The following NDUFAF7 variants were observed in gnomAD, a reference collection of about 807,000 sequenced individuals.
NDUFAF7 encodes the protein protein arginine methyltransferase NDUFAF7, mitochondrial.
In NDUFAF7, 48 loss-of-function variants were observed where a neutral mutation model predicts 47.2. That is an observed-to-expected ratio of 1.02 (90% CI 0.81 to 1.29). NDUFAF7 has a LOEUF of 1.29. Ranked by LOEUF, NDUFAF7 falls within the 50% of genes most tolerant of loss-of-function variation. The probability of loss-of-function intolerance (pLI) is 0.00; values close to 1 mark genes in which losing one functional copy is unlikely to be tolerated. For missense variants in NDUFAF7, 635 were observed against 537.6 expected, an observed-to-expected ratio of 1.18 and a Z score of -1.79; for synonymous variants, 217 against 190.0, an observed-to-expected ratio of 1.14 and a Z score of -1.17.
At chr2:37,261,794 C>A in the NDUFAF7 span, among the ~76,000 whole-genome samples, 1 of 139,700 alleles carries the variant, frequency 7.2e-6, no homozygotes, top group Admixed American at 7.0e-5. Context: ...AACAAAAAAA[C>A]CCAGACGGTC....
chr2:37,243,833 ATTTGTT>A, intron 6 of NDUFAF7, 24 bp from the exon 7 acceptor site: 1 of 1,586,284 alleles, frequency 6.3e-7, no homozygotes, highest in Non-Finnish European at 8.6e-7. Flanking sequence ...ACTTGCAAAA[ATTTGTT>A]TTTATGTGTT....
chr2:37,251,308 G>C (rs1028012955), downstream of NDUFAF7: 1 of 152,564 alleles, frequency 6.6e-6, no homozygotes, highest in African/African-American at 2.4e-5. Context: ...AGATAGTACA[G>C]CATAATGGTT....
In NDUFAF7 at chr2:37,246,098, T is replaced by A. The variant is rs754436069; in HGVS notation, c.839T>A (p.Val280Asp). ...DHVEVCPDAG[V>D]IIEELSQRIA... Reference sequence around the variant, plus strand: ...GTTGAAGTGTGTCCTGATGCTGGTGTTATCATCGAGGAACTTTCTCAACGC... The same window carrying A: ...GTTGAAGTGTGTCCTGATGCTGGTGATATCATCGAGGAACTTTCTCAACGC... Residue 280 changes from valine to aspartate, a missense_variant, in exon 8 of 10, where the codon GTT becomes GAT. By Grantham distance (152) the Val-to-Asp change is radical. Coordinates refer to ENST00000002125, the MANE Select transcript of NDUFAF7 (RefSeq NM_144736.5). 1.9e-6 allele frequency: 3 copies of A among 1,613,912 alleles called. No homozygotes were observed. In the Admixed American group the frequency reaches 5.0e-5, roughly 27 times the overall value.
At chr2:37,233,944 C>T in intron 2 of NDUFAF7, among the ~76,000 whole-genome samples, 1 of 152,218 alleles carries the variant, frequency 6.6e-6, no homozygotes, top group East Asian at 1.9e-4. Context: ...GTAGCATCAG[C>T]AATACCTGTG....
At chr2:37,269,172 C>A in the NDUFAF7 span, 1 of 191,882 alleles carries the variant, frequency 5.2e-6, no homozygotes, top group Non-Finnish European at 1.1e-5. Flanking sequence ...ATGACTTCAT[C>A]AATATCCTAA....
At position 37,242,632 on chromosome 2, in the gene NDUFAF7, T is replaced by C; in HGVS notation, c.623-3T>C. 5.1e-6 allele frequency: 8 copies of C among 1,582,504 alleles called. No homozygotes were observed. The highest frequency in any genetic ancestry group is 6.9e-6 in the Non-Finnish European group (8 of 1,151,876). On this transcript the variant is annotated splice_region_variant and splice_polypyrimidine_tract_variant and intron_variant, in intron 5 of 9. Transcript: ENST00000002125. The stretch of plus-strand genomic sequence containing the variant: ...CATTAATTGTTTTCCTCTTTTTAAA[T>C]AGGGTACAGCTTTTATCTTGCACAT...
downstream of NDUFAF7, chr2:37,250,379 G>A (rs1405062126): frequency 6.6e-6 from 1 of 152,128 alleles, no homozygotes; most frequent in African/African-American, 2.4e-5. Context: ...CACCTAGAAA[G>A]TTTGATATTA....
At chr2:37,268,017 A>G in the NDUFAF7 span, 1 of 190,100 alleles carries the variant, frequency 5.3e-6, no homozygotes, top group Non-Finnish European at 1.1e-5. Context: ...TAGATATTAA[A>G]AAAAGGTAGA....
intron 4 of NDUFAF7, 50 bp downstream of exon 4, chr2:37,237,917 C>T (rs745637300): frequency 7.8e-7 from 1 of 1,275,232 alleles, no homozygotes; most frequent in Non-Finnish European, 1.1e-6. Flanking sequence ...AATTTTAGTA[C>T]TTCTGAGTGT....
intron 5 of NDUFAF7, 27 bp from the exon 6 acceptor site, chr2:37,242,608 A>G (rs2148422808): frequency 6.5e-7 from 1 of 1,528,514 alleles, no homozygotes; most frequent in South Asian, 1.1e-5. Flanking sequence ...ATGTGGAAAC[A>G]TTAATTGTTT....
intron 7 of NDUFAF7, among the ~76,000 whole-genome samples, chr2:37,244,703 T>C (rs891205054): frequency 6.6e-6 from 1 of 152,224 alleles, no homozygotes; most frequent in Non-Finnish European, 1.5e-5. Flanking sequence ...TTAGAAATTA[T>C]CAGTTTTAAA....
chr2:37,238,636 T>C (rs1666041197), intron 4 of NDUFAF7, among the ~76,000 whole-genome samples: 1 of 151,950 alleles, frequency 6.6e-6, no homozygotes, highest in Non-Finnish European at 1.5e-5. Flanking sequence ...AAGATTAATA[T>C]TTCATTTCTT....
downstream of NDUFAF7, chr2:37,251,748 G>A (rs1220662141): frequency 6.6e-6 from 1 of 152,082 alleles, no homozygotes; most frequent in Admixed American, 6.6e-5. Flanking sequence ...AGGCAAGAAT[G>A]ATAATCTTCA....
intron 6 of NDUFAF7, among the ~76,000 whole-genome samples, chr2:37,243,098 A>G (rs1381401031): frequency 6.6e-6 from 1 of 152,150 alleles, no homozygotes; most frequent in Non-Finnish European, 1.5e-5. Context: ...AGGAGCTGGG[A>G]CTACAGGTGT....
the NDUFAF7 span, among the ~76,000 whole-genome samples, chr2:37,270,503 T>TC: frequency 2.6e-5 from 4 of 152,302 alleles, no homozygotes; most frequent in African/African-American, 9.6e-5. Context: ...CCTTTTTTTT[T>TC]CTTCTTTGTA....
Position 37,241,588 on chromosome 2 carries a change from A to C in NDUFAF7, c.419A>C (p.Gln140Pro). The C allele has an allele frequency of 6.2e-7, 1 of 1,613,356 alleles. No individual in the cohort carries two copies. Among genetic ancestry groups the C allele is most frequent in the Non-Finnish European group, 8.5e-7 (1 of 1,179,632 alleles). ...LVGDILRVFT[Q>P]LGSVLKNCDI... ...TCTTTTGGTATTTAGGTGTTCACTC[A>C]ACTTGGATCTGTGCTGAAAAATTGT... Residue 140 changes from glutamine to proline, a missense_variant, in exon 5 of 10, where the codon CAA becomes CCA. Gln to Pro is a moderately conservative substitution (Grantham distance 76, BLOSUM62 -1). Coordinates refer to ENST00000002125, the MANE Select transcript of NDUFAF7 (RefSeq NM_144736.5).
the NDUFAF7 span, chr2:37,269,284 T>C: frequency 3.6e-6 from 1 of 278,318 alleles, no homozygotes; most frequent in East Asian, 7.5e-5. Context: ...TAGTAGGGAA[T>C]ATACTTCAAT....
In NDUFAF7 at chr2:37,233,954, G is replaced by A. The variant is rs377607233; in HGVS notation, c.216+1688G>A. ...AACTAGTAGCATCAGCAATACCTGT[G>A]ACTTTGTCATCTGTGGAAATCATTG... On this transcript the variant is annotated intron_variant, in intron 2 of 9. Coordinates refer to ENST00000002125, the MANE Select transcript of NDUFAF7 (RefSeq NM_144736.5). Among the ~76,000 whole-genome samples the A allele has an allele frequency of 3.3e-4, 50 of 152,268 alleles. 1 individual carries two copies. In the South Asian group the frequency reaches 0.01, roughly 31 times the overall value.
chr2:37,269,460 TAC>T, the NDUFAF7 span: 1 of 637,950 alleles, frequency 1.6e-6, no homozygotes, highest in African/African-American at 1.8e-5. Flanking sequence ...ATACTCAAAT[TAC>T]AGTGAGAAGG....
Sources: allele counts gnomAD v4.1 joint callset (sites outside exome capture counted in the v4.1 genomes callset), GRCh38; gene constraint gnomAD v4.1.1; transcripts MANE v1.5; gene names NCBI Gene and HGNC (gene_info 2026-07-23, HGNC 2026-07-21).